The following AGBL1 variants were observed in gnomAD, a reference collection of about 807,000 sequenced individuals.
AGBL1 encodes the protein AGBL carboxypeptidase 1, also known as cytosolic carboxypeptidase 4.
A neutral mutation model predicts 118.9 loss-of-function variants in AGBL1; 130 were observed. That is an observed-to-expected ratio of 1.09 (90% CI 0.95 to 1.26). AGBL1 has a LOEUF of 1.26. Among genes scored for constraint, AGBL1 ranks in the 50% most tolerant of loss-of-function variants. AGBL1 has a pLI of 0.00. For synonymous variants in AGBL1, 555 were observed against 478.9 expected (o/e 1.16, Z -2.08); for missense variants, 1,584 against 1,298.1 (o/e 1.22, Z -3.38).
At chr15:86,875,465 G>A (rs1325945543) in intron 22 of AGBL1, among the ~76,000 whole-genome samples, 4 of 152,130 alleles carry the variant, frequency 2.6e-5, no homozygotes, top group South Asian at 2.1e-4. Context: ...ATGAGTGAGC[G>A]GTTGGGATCA....
intron 21 of AGBL1, among the ~76,000 whole-genome samples, chr15:86,639,816 C>G (rs150380559): frequency 6.2e-4 from 94 of 152,198 alleles, no homozygotes; most frequent in African/African-American, 2.2e-3. Flanking sequence ...GCCGGGAAAC[C>G]CATGTATATT....
intron 17 of AGBL1, among the ~76,000 whole-genome samples, chr15:86,331,749 A>G (rs147336312): frequency 0.011 from 1,640 of 152,360 alleles, 99 homozygotes; most frequent in Admixed American, 0.099. Context: ...AGCAAGTGCT[A>G]TGGGAATTTG....
chr15:86,150,557 T>A (rs2077094024), intron 3 of AGBL1, among the ~76,000 whole-genome samples: 1 of 152,136 alleles, frequency 6.6e-6, no homozygotes, highest in African/African-American at 2.4e-5. Flanking sequence ...ACATACACCC[T>A]CCCAAGACTA....
intron 24 of AGBL1, chr15:86,988,106 C>T: frequency 1.2e-6 from 2 of 1,611,858 alleles, no homozygotes; most frequent in Non-Finnish European, 1.7e-6. Context: ...TGTCAGTTTC[C>T]TGATTGTACA....
intron 19 of AGBL1, among the ~76,000 whole-genome samples, chr15:86,543,777 G>A (rs1383259676): frequency 1.3e-5 from 2 of 152,162 alleles, no homozygotes; most frequent in African/African-American, 4.8e-5. Flanking sequence ...CTGGATGAAA[G>A]CATTACAGAA....
chr15:86,545,741 C>T (rs1022583919), intron 19 of AGBL1, among the ~76,000 whole-genome samples: 8 of 152,092 alleles, frequency 5.3e-5, no homozygotes, highest in Non-Finnish European at 2.9e-5. Context: ...ACATGACTTG[C>T]GTTTCTTCGT....
rs141732952 is a variant in AGBL1, at chr15:86,111,467, G to A, written c.52-30537G>A. On this transcript the variant is annotated intron_variant, in intron 1 of 22. Coordinates refer to ENST00000614907, the MANE Select transcript of AGBL1 (RefSeq NM_001386094.1). ...AATTTGGGTGTCAAGGTAGAGATGG[G>A]GAGAGTTTTTGGCTTTCCAAGCACA... 3.5e-3 allele frequency among the ~76,000 whole-genome samples: 529 copies of A among 152,302 alleles called. 3 individuals are homozygous for A. Among genetic ancestry groups the A allele is most frequent in the African/African-American group, 0.012 (514 of 41,568 alleles).
At chr15:86,540,373 T>C (rs1388055427) in intron 19 of AGBL1, among the ~76,000 whole-genome samples, 2 of 152,096 alleles carry the variant, frequency 1.3e-5, no homozygotes, top group African/African-American at 2.4e-5. Flanking sequence ...GCAGGCAGAT[T>C]GCCTGAGCTC....
At chr15:86,861,438 C>A (rs78606469) in intron 22 of AGBL1, among the ~76,000 whole-genome samples, 4,686 of 152,234 alleles carry the variant, frequency 0.031, 119 homozygotes, top group Middle Eastern at 0.11. Context: ...ATGTTATTAT[C>A]CCTATTCTAT....
intron 1 of AGBL1, among the ~76,000 whole-genome samples, chr15:86,086,978 A>C (rs184490480): frequency 6.6e-6 from 1 of 152,280 alleles, no homozygotes; most frequent in African/African-American, 2.4e-5. Flanking sequence ...GTATATATCT[A>C]GGGGTGAAGT....
intron 22 of AGBL1, among the ~76,000 whole-genome samples, chr15:86,739,340 G>A (rs1271908503): frequency 6.6e-6 from 1 of 151,684 alleles, no homozygotes; most frequent in African/African-American, 2.4e-5. Flanking sequence ...CTACTCAAGA[G>A]GCTGAGGCAG....
chr15:86,131,531 C>T (rs996121965), intron 1 of AGBL1, among the ~76,000 whole-genome samples: 1 of 152,094 alleles, frequency 6.6e-6, no homozygotes, highest in African/African-American at 2.4e-5. Flanking sequence ...TTCAACTTCT[C>T]TTGGCCTCAA....
intron 21 of AGBL1, among the ~76,000 whole-genome samples, chr15:86,658,147 T>C (rs1182045263): frequency 2.6e-5 from 4 of 152,104 alleles, no homozygotes; most frequent in African/African-American, 9.7e-5. Flanking sequence ...CCAGGTTGGG[T>C]TGGATTCCCT....
chr15:86,636,452 A>G (rs919197814), intron 21 of AGBL1, among the ~76,000 whole-genome samples: 1 of 150,894 alleles, frequency 6.6e-6, no homozygotes, highest in Non-Finnish European at 1.5e-5. Flanking sequence ...AGGAGAGGAG[A>G]AGAGGGGACA....
intron 6 of AGBL1, among the ~76,000 whole-genome samples, chr15:86,234,476 T>C (rs1457409899): frequency 2.0e-5 from 3 of 146,346 alleles, no homozygotes; most frequent in Non-Finnish European, 3.0e-5. Flanking sequence ...GCTTGAACTC[T>C]GGAGGCGGAG....
At chr15:86,983,076 TTTTG>T (rs1285566301) in intron 23 of AGBL1, among the ~76,000 whole-genome samples, 1 of 152,154 alleles carries the variant, frequency 6.6e-6, no homozygotes, top group Non-Finnish European at 1.5e-5. Context: ...TTTGTTTTTG[TTTTG>T]TTTTTGTTGT....
At chr15:86,597,620 C>T (rs1351068095) in intron 21 of AGBL1, among the ~76,000 whole-genome samples, 1 of 152,112 alleles carries the variant, frequency 6.6e-6, no homozygotes, top group Non-Finnish European at 1.5e-5. Flanking sequence ...GATGGACTTG[C>T]AGTATTCATG....
At chr15:86,966,158 G>T (rs1364301199) in intron 23 of AGBL1, among the ~76,000 whole-genome samples, 1 of 151,820 alleles carries the variant, frequency 6.6e-6, no homozygotes, top group Admixed American at 6.6e-5. Flanking sequence ...AGCAATAAAG[G>T]CTAAGGTATC....
intron 23 of AGBL1, among the ~76,000 whole-genome samples, chr15:86,959,508 A>G (rs1289555252): frequency 6.6e-6 from 1 of 152,088 alleles, no homozygotes; most frequent in Non-Finnish European, 1.5e-5. Flanking sequence ...CTTACTTAGA[A>G]GAGTGTTTGC....
Sources: gnomAD v4.1 joint callset for allele counts (sites outside exome capture counted in the v4.1 genomes callset) on GRCh38, gnomAD v4.1.1 for gene constraint, MANE v1.5 for transcripts, NCBI Gene and HGNC (gene_info 2026-07-23, HGNC 2026-07-21) for gene names.